The following NGLY1 variants were observed in gnomAD, a reference collection of about 807,000 sequenced individuals.
NGLY1 encodes peptide-N(4)-(N-acetyl-beta-glucosaminyl)asparagine amidase.
Under a neutral mutation model 84.6 loss-of-function variants are expected in NGLY1, and 68 were observed. The ratio of observed to expected loss-of-function variants is 0.80; its 90% CI spans 0.66 to 0.98. The LOEUF is 0.98. Ranked by LOEUF, NGLY1 falls within the 50% of genes least tolerant of loss-of-function variation. The pLI, the probability that NGLY1 is intolerant of heterozygous loss-of-function variation, is 0.00. For missense variants in NGLY1, 779 were observed against 770.2 expected (o/e 1.01, Z -0.14); for synonymous variants, 280 against 275.2 (o/e 1.02, Z -0.17).
At chr3:25,751,636 C>G (rs1446592400) in intron 3 of NGLY1, among the ~76,000 whole-genome samples, 2 of 152,088 alleles carry the variant, frequency 1.3e-5, no homozygotes, top group African/African-American at 4.8e-5. Flanking sequence ...CTTAAAGAAC[C>G]AGGAATTTTG....
chr3:25,782,361 C>T (rs1708458525), intron 1 of NGLY1, among the ~76,000 whole-genome samples: 1 of 152,136 alleles, frequency 6.6e-6, no homozygotes, highest in Non-Finnish European at 1.5e-5. Context: ...TCACGGTGAC[C>T]TGATAAATGA....
intron 2 of NGLY1, among the ~76,000 whole-genome samples, chr3:25,774,624 G>T (rs1239327373): frequency 6.6e-6 from 1 of 152,154 alleles, no homozygotes; most frequent in Non-Finnish European, 1.5e-5. Context: ...AGAAGGGCCA[G>T]TCTCACTCCC....
At chr3:25,754,216 T>C (rs981359628) in intron 3 of NGLY1, among the ~76,000 whole-genome samples, 1 of 152,180 alleles carries the variant, frequency 6.6e-6, no homozygotes, top group African/African-American at 2.4e-5. Context: ...AAATTAATCA[T>C]AGGGATAAAT....
At chr3:25,744,459 T>G (rs1267498250) in intron 4 of NGLY1, among the ~76,000 whole-genome samples, 1 of 152,188 alleles carries the variant, frequency 6.6e-6, no homozygotes, top group East Asian at 1.9e-4. Flanking sequence ...AGAATATGAT[T>G]TTTGTCTGGA....
intron 3 of NGLY1, 108 bp from the exon 4 acceptor site, chr3:25,751,371 T>A: frequency 1.1e-6 from 1 of 881,474 alleles, no homozygotes. Flanking sequence ...AGGGAATGTA[T>A]GGATTCACTT....
At position 25,759,449 on chromosome 3, in the gene NGLY1, G is replaced by C. The variant is rs188888499; in HGVS notation, c.492+4617C>G. ...TTACCAAGAAGGTAAGAATTCATCC[G>C]GAGTATTTTTATTTTCAATTTAATT... On this transcript the variant is annotated intron_variant, in intron 3 of 11. Transcript: ENST00000280700. Among the ~76,000 whole-genome samples the C allele has an allele frequency of 1.9e-4, 29 of 151,848 alleles. No individual in the cohort carries two copies. In the South Asian group the frequency reaches 5.6e-3, roughly 29 times the overall value.
chr3:25,767,014 C>T (rs766871046), intron 2 of NGLY1, among the ~76,000 whole-genome samples: 3 of 152,254 alleles, frequency 2.0e-5, no homozygotes, highest in South Asian at 4.1e-4. Context: ...CAAAAAGAGG[C>T]CAGGCGCAGT....
chr3:25,738,406 A>G (rs1705950426), intron 5 of NGLY1, among the ~76,000 whole-genome samples: 1 of 152,126 alleles, frequency 6.6e-6, no homozygotes, highest in South Asian at 2.1e-4. Context: ...AGACAATTCA[A>G]GAACACTAAA....
At chr3:25,746,349 G>T (rs1465531436) in intron 4 of NGLY1, among the ~76,000 whole-genome samples, 1 of 151,800 alleles carries the variant, frequency 6.6e-6, no homozygotes, top group Non-Finnish European at 1.5e-5. Context: ...CTACTAATCT[G>T]CTGTGTCATT....
intron 10 of NGLY1, among the ~76,000 whole-genome samples, chr3:25,721,558 C>A (rs932400493): frequency 2.0e-5 from 3 of 150,412 alleles, no homozygotes; most frequent in African/African-American, 7.3e-5. Flanking sequence ...TCGAAACCAT[C>A]CTAACACAGT....
At chr3:25,737,734 C>T (rs566711601) in intron 5 of NGLY1, among the ~76,000 whole-genome samples, 1 of 152,014 alleles carries the variant, frequency 6.6e-6, no homozygotes, top group African/African-American at 2.4e-5. Flanking sequence ...TCAGTAGAGA[C>T]GGGGTTTCAC....
chr3:25,725,684 T>TG (rs1433012479), intron 10 of NGLY1, among the ~76,000 whole-genome samples: 2 of 152,112 alleles, frequency 1.3e-5, no homozygotes, highest in African/African-American at 4.8e-5. Context: ...CTTGCTTATT[T>TG]GGGGGAACCC....
chr3:25,766,523 C>A (rs1201706159), intron 2 of NGLY1, among the ~76,000 whole-genome samples: 1 of 152,142 alleles, frequency 6.6e-6, no homozygotes, highest in East Asian at 1.9e-4. Context: ...TGAGCTTGCA[C>A]AAATAGTTGA....
chr3:25,721,347 T>A (rs76700059), intron 10 of NGLY1, among the ~76,000 whole-genome samples: 3,488 of 152,280 alleles, frequency 0.023, 149 homozygotes, highest in African/African-American at 0.079. Context: ...CGTGCCTGGC[T>A]CTGATCAGAT....
intron 3 of NGLY1, among the ~76,000 whole-genome samples, chr3:25,756,506 G>A (rs1394297686): frequency 2.0e-5 from 3 of 152,128 alleles, no homozygotes; most frequent in African/African-American, 7.2e-5. Flanking sequence ...GTCAGTTACA[G>A]TTTTAGTCTT....
At chr3:25,732,598 G>T in intron 8 of NGLY1, 115 bp from the exon 9 acceptor site, 1 of 631,776 alleles carries the variant, frequency 1.6e-6, no homozygotes, top group Non-Finnish European at 2.6e-6. Context: ...AACAAGTACT[G>T]AATTTTATTT....
rs1306756725 is a variant in NGLY1, at chr3:25,720,174, C to A, written c.1629G>T (p.Lys543Asn). The part of the protein sequence containing the change: ...TDWHMVYLAR[K>N]EGSSFAYISW... ...AAATATAAGCAAAAGATGATCCTTC[C>A]TTTCGGGCCAAATATACCTATAAGG... The change falls in exon 11 of 12, where the codon AAG becomes AAT. Residue 543 changes from lysine to asparagine, a missense_variant. Transcript: ENST00000280700. The A allele has an allele frequency of 6.2e-7, 1 of 1,613,622 alleles. No homozygotes were observed. The highest frequency in any genetic ancestry group is 1.1e-5 in the South Asian group (1 of 91,040).
chr3:25,782,405 A>G (rs1005901211), intron 1 of NGLY1, among the ~76,000 whole-genome samples: 1 of 151,988 alleles, frequency 6.6e-6, no homozygotes, highest in Non-Finnish European at 1.5e-5. Flanking sequence ...CTCTCCTTTA[A>G]CCTCAGTTCC....
At chr3:25,774,845 G>A (rs996583263) in intron 2 of NGLY1, among the ~76,000 whole-genome samples, 4 of 152,062 alleles carry the variant, frequency 2.6e-5, no homozygotes, top group South Asian at 2.1e-4. Context: ...AGGAAAATTC[G>A]TGTTCAGCTG....
Sources: gnomAD v4.1 joint callset for allele counts (sites outside exome capture counted in the v4.1 genomes callset) on GRCh38, gnomAD v4.1.1 for gene constraint, MANE v1.5 for transcripts, NCBI Gene and HGNC (gene_info 2026-07-23, HGNC 2026-07-21) for gene names.